The following SRRT variants were observed in gnomAD, a reference collection of about 807,000 sequenced individuals.
The protein encoded by SRRT is serrate, RNA effector molecule.
In SRRT, 32 loss-of-function variants were observed where a neutral mutation model predicts 103.2. The observed-to-expected ratio is 0.31, with a 90% confidence interval of 0.23 to 0.42. SRRT has a LOEUF of 0.42. Ranked by LOEUF, SRRT falls within the 10% of genes least tolerant of loss-of-function variation. The pLI, the probability that SRRT is intolerant of heterozygous loss-of-function variation, is 1.00. For missense variants in SRRT, 986 were observed against 1,207.5 expected (o/e 0.82, Z 2.72); for synonymous variants, 525 against 449.0 (o/e 1.17, Z -2.14).
At chr7:100,883,965 G>T (rs1789821765) in intron 5 of SRRT, 105 bp from the exon 6 acceptor site, 4 of 1,290,412 alleles carry the variant, frequency 3.1e-6, no homozygotes, top group Non-Finnish European at 4.2e-6. Context: ...TTTTGTGGTT[G>T]TGAGAGGAAG....
At position 100,886,970 on chromosome 7, in the gene SRRT, T is replaced by C; in HGVS notation, c.1821+2T>C. ...GAGCGGGATGAGAAGTTGATTAAGG[T>C]GCCAGTGGCAGCGCGGGGCACGTGG... On this transcript the variant is annotated splice_donor_variant, in intron 14 of 19. Coordinates refer to ENST00000611405, the MANE Select transcript of SRRT (RefSeq NM_015908.6). LOFTEE classifies it high-confidence loss of function. 6.2e-7 allele frequency: 1 copy of C among 1,609,802 alleles called. No individual in the cohort carries two copies. The highest frequency in any genetic ancestry group is 8.5e-7 in the Non-Finnish European group (1 of 1,176,900).
chr7:100,888,475 A>T lies in SRRT; in HGVS notation c.2557A>T (p.Met853Leu), dbSNP rs770917997. 1 of 1,614,062 alleles carries T rather than the reference A, an allele frequency of 6.2e-7. No homozygotes were observed. The highest frequency in any genetic ancestry group is 1.7e-5 in the Admixed American group (1 of 60,010). ...CATCCTGTACCTCTCACCTCACAGG[A>T]TGGTTCGTGGAGACCCAAGGGCCAT... ...GGYPGKPRNRMVRGDPRAIVE... is the reference protein window; with the variant it reads ...GGYPGKPRNRLVRGDPRAIVE... The change falls in exon 20 of 20, where the codon ATG becomes TTG. Residue 853 changes from methionine (M) to leucine (L), a missense_variant and splice_region_variant. By Grantham distance (15) the Met-to-Leu change is conservative. Transcript: ENST00000611405.
At chr7:100,881,171 GGTCTC>G in intron 2 of SRRT, 109 bp from the exon 3 acceptor site, 1 of 1,115,238 alleles carries the variant, frequency 9.0e-7, no homozygotes, top group Non-Finnish European at 1.3e-6. Flanking sequence ...TGCCCAGGTT[GGTCTC>G]GAACTCCTGG....
intron 18 of SRRT, 43 bp downstream of exon 18, chr7:100,888,186 C>A: frequency 6.2e-7 from 1 of 1,600,004 alleles, no homozygotes; most frequent in Non-Finnish European, 8.5e-7. Context: ...GAGTGTGTGG[C>A]TTTGGGAGAA....
In SRRT at chr7:100,884,789, A is replaced by T. The variant is rs767768509; in HGVS notation, c.992A>T (p.Asp331Val). ...NDDKTKKSEG[D>V]GDKEEKKEDS... ...GACAAAACAAAGAAGTCGGAGGGTG[A>T]TGGGGACAAGGAAGAGAAGAAAGAA... The change falls in exon 8 of 20, where the codon GAT becomes GTT. Residue 331 changes from aspartate (D) to valine (V), a missense_variant. Transcript: ENST00000611405. 6.2e-7 allele frequency: 1 copy of T among 1,614,038 alleles called. No homozygotes were observed. Among genetic ancestry groups the T allele is most frequent in the South Asian group, 1.1e-5 (1 of 91,068 alleles).
chr7:100,884,338 G>A, intron 6 of SRRT, 30 bp from the exon 7 acceptor site: 1 of 1,612,818 alleles, frequency 6.2e-7, no homozygotes, highest in Non-Finnish European at 8.5e-7. Context: ...AGGGCCCTGG[G>A]GTCATGACCT....
rs1789651023 is a variant in SRRT at position 100,882,320 on chromosome 7, T to C, written c.587+79T>C. ...CTGGTGGAGCCACAGCCCTGTCCTC[T>C]TCCCAGTTTTCCCTGTCCAGAACTT... is the stretch of plus-strand genomic sequence containing the variant. On this transcript the variant is annotated intron_variant, in intron 5 of 19. Transcript: ENST00000611405. The surrounding 1 kb of genome is among the most constrained non-coding windows in gnomAD (Gnocchi z 4.2). 6.8e-7 allele frequency: 1 copy of C among 1,476,438 alleles called. No homozygotes were observed. The highest frequency in any genetic ancestry group is 9.2e-7 in the Non-Finnish European group (1 of 1,089,280). The allele number at this position is 1,476,438 out of a possible 1,614,324, so 91.5% of individuals were successfully genotyped here.
At position 100,887,008 on chromosome 7, in the gene SRRT, T is replaced by A; in HGVS notation, c.1822-39T>A. ...GCGGGGCACGTGGGGGCTCGGGCGG[T>A]GAGGGCAGGAGCTGAACGCTCGCAT... On this transcript the variant is annotated intron_variant, in intron 14 of 19. Coordinates refer to ENST00000611405, the MANE Select transcript of SRRT (RefSeq NM_015908.6). This position sits in a 1 kb window ranked among gnomAD's most constrained non-coding sequence, Gnocchi z 4.1. The A allele has an allele frequency of 6.2e-7, 1 of 1,610,700 alleles. No individual in the cohort carries two copies. The highest frequency in any genetic ancestry group is 1.1e-5 in the South Asian group (1 of 90,946).
chr7:100,883,257 C>G (rs1789746580), intron 5 of SRRT, among the ~76,000 whole-genome samples: 1 of 152,206 alleles, frequency 6.6e-6, no homozygotes, highest in Admixed American at 6.5e-5. Flanking sequence ...TGCCTAACAC[C>G]ACCTTCTTCC....
rs745818631 is a variant in SRRT at position 100,882,093 on chromosome 7, C to T, written c.439C>T (p.Pro147Ser). The part of the protein sequence containing the change: ...IAEIDLGVPP[P>S]VMKTFKEFLL... ...AGAGATTGACCTGGGTGTGCCGCCG[C>T]CCGTGATGAAGACCTTCAAGGAGTT... The change falls in exon 5 of 20, where the codon CCC (proline) becomes TCC (serine). Residue 147 changes from proline to serine, a missense_variant. Physicochemically the swap from Pro to Ser is moderately conservative, Grantham distance 74 (BLOSUM62 -1). Coordinates refer to ENST00000611405, the MANE Select transcript of SRRT (RefSeq NM_015908.6). The surrounding 1 kb of genome is among the most constrained non-coding windows in gnomAD (Gnocchi z 4.2). The T allele has an allele frequency of 1.9e-6, 3 of 1,614,078 alleles. No homozygotes were observed. In the East Asian group the frequency reaches 6.7e-5, roughly 36 times the overall value.
intron 2 of SRRT, among the ~76,000 whole-genome samples, chr7:100,877,696 A>G (rs1294090286): frequency 2.0e-5 from 3 of 151,350 alleles, no homozygotes; most frequent in African/African-American, 4.9e-5. Context: ...TAATTTTTGT[A>G]TTTTTAGTAG....
chr7:100,875,632 C>G lies in SRRT; in HGVS notation c.42C>G (p.Asp14Glu), dbSNP rs1350973947. 6.2e-7 allele frequency: 1 copy of G among 1,614,114 alleles called. No individual in the cohort carries two copies. Among genetic ancestry groups the G allele is most frequent in the Non-Finnish European group, 8.5e-7 (1 of 1,179,988 alleles). ...ACGAGTACGATCGAAGGCGCAGGGA[C>G]AAGTTCAGAAGAGAGCGCAGCGACT... is the stretch of plus-strand genomic sequence containing the variant. ...SDDEYDRRRR[D>E]KFRRERSDYD... The change falls in exon 2 of 20, where the codon GAC becomes GAG. Residue 14 changes from aspartate to glutamate, a missense_variant. Physicochemically the swap from Asp to Glu is conservative, Grantham distance 45. Coordinates refer to ENST00000611405, the MANE Select transcript of SRRT (RefSeq NM_015908.6).
chr7:100,875,640 G>A lies in SRRT; in HGVS notation c.50G>A (p.Arg17Lys). Residue 17 changes from arginine to lysine, a missense_variant, in exon 2 of 20, where the codon AGA becomes AAA. Around this residue, in one of 6 missense-constraint regions of SRRT, gnomAD observed 9 missense variants for 28.9 expected, o/e 0.31. Coordinates refer to ENST00000611405, the MANE Select transcript of SRRT (RefSeq NM_015908.6). Reference sequence around the variant, plus strand: ...GATCGAAGGCGCAGGGACAAGTTCAGAAGAGAGCGCAGCGACTACGACCGT... The same window carrying A: ...GATCGAAGGCGCAGGGACAAGTTCAAAAGAGAGCGCAGCGACTACGACCGT... ...EYDRRRRDKF[R>K]RERSDYDRSR... 5.6e-6 allele frequency: 9 copies of A among 1,614,198 alleles called. No homozygotes were observed. Among genetic ancestry groups the A allele is most frequent in the Non-Finnish European group, 7.6e-6 (9 of 1,179,998 alleles).
At position 100,885,475 on chromosome 7, in the gene SRRT, A is replaced by G; in HGVS notation, c.1317+105A>G. 7.6e-7 allele frequency: 1 copy of G among 1,315,196 alleles called. No homozygotes were observed. Among genetic ancestry groups the G allele is most frequent in the Non-Finnish European group, 1.0e-6 (1 of 959,834 alleles). 81.5% of individuals were successfully genotyped at this position (1,315,196 alleles called of 1,614,324 possible). ...GACAGATGCCCCCGTTTCACCTGCT[A>G]GGGAGGCCCCTTCCCCAGGTTCCAT... On this transcript the variant is annotated intron_variant, in intron 10 of 19. Transcript: ENST00000611405. The surrounding 1 kb of genome is among the most constrained non-coding windows in gnomAD (Gnocchi z 4.8).
Position 100,881,724 on chromosome 7 carries a change from G to T in SRRT, c.317G>T (p.Gly106Val). Residue 106 changes from glycine (G) to valine (V), a missense_variant, in exon 4 of 20, where the codon GGC (glycine) becomes GTC (valine). By Grantham distance (109) the Gly-to-Val change is moderately radical. Transcript: ENST00000611405. ...ATGCCCTATGCTGGGGGGGGTGGGGGCCCAACTTATGGCCCCCCTCAGCCC... is the reference window on the plus strand; with the variant it reads ...ATGCCCTATGCTGGGGGGGGTGGGGTCCCAACTTATGGCCCCCCTCAGCCC... ...YEMPYAGGGG[G>V]PTYGPPQPWG... The T allele has an allele frequency of 6.2e-7, 1 of 1,613,986 alleles. No individual in the cohort carries two copies. Among genetic ancestry groups the T allele is most frequent in the Non-Finnish European group, 8.5e-7 (1 of 1,180,014 alleles).
At position 100,881,652 on chromosome 7, in the gene SRRT, C is replaced by G. The variant is rs779605826; in HGVS notation, c.252-7C>G. The G allele has an allele frequency of 1.2e-6, 2 of 1,614,008 alleles. No individual in the cohort carries two copies. Among genetic ancestry groups the G allele is most frequent in the East Asian group, 2.2e-5 (1 of 44,880 alleles). On this transcript the variant is annotated splice_polypyrimidine_tract_variant and splice_region_variant and intron_variant, in intron 3 of 19. Transcript: ENST00000611405. ...CTCTGCTTTACTTTTGTGTCCCCCACCTTCAGGGATGAGCACAGCTCTGAC... is the reference window on the plus strand; with the variant it reads ...CTCTGCTTTACTTTTGTGTCCCCCAGCTTCAGGGATGAGCACAGCTCTGAC...
In SRRT at chr7:100,884,218, A is replaced by G. The variant is rs1241320245; in HGVS notation, c.736A>G (p.Ile246Val). The G allele has an allele frequency of 6.8e-6, 11 of 1,613,922 alleles. No homozygotes were observed. The African/African-American group carries it at 1.2e-4, about 18-fold the overall frequency. Residue 246 changes from isoleucine to valine, a missense_variant, in exon 6 of 20, where the codon ATT becomes GTT. By Grantham distance (29) the Ile-to-Val change is conservative. This residue lies in a region of SRRT where 274 missense variants were observed against 358.5 expected (regional missense o/e 0.76). Transcript: ENST00000611405. The part of the protein sequence containing the change: ...LLLDIDKADA[I>V]VKMLDAAVIK... ...CCTGGACATAGACAAAGCTGATGCC[A>G]TTGTCAAGATGCTGGATGCAGGTGT...
rs369891252 is a variant in SRRT, at chr7:100,887,538, T to A, written c.2169+25T>A. On this transcript the variant is annotated intron_variant, in intron 16 of 19. Coordinates refer to ENST00000611405, the MANE Select transcript of SRRT (RefSeq NM_015908.6). The surrounding 1 kb of genome is among the most constrained non-coding windows in gnomAD (Gnocchi z 4.1). The stretch of plus-strand genomic sequence containing the variant: ...GGTGTGGGATGTTGGAGAATGGCCG[T>A]GCTACGGTGGTGGGAGGTGGGGTTG... 67 of 1,609,754 alleles carry A rather than the reference T, an allele frequency of 4.2e-5. No homozygotes were observed. The African/African-American group carries it at 8.1e-4, about 20-fold the overall frequency.
chr7:100,878,920 TTTTCC>T (rs1816015650), intron 2 of SRRT, among the ~76,000 whole-genome samples: 2 of 151,984 alleles, frequency 1.3e-5, no homozygotes, highest in Admixed American at 1.3e-4. Context: ...TTTTCTTTTC[TTTTCC>T]TTCCTTTCTT....
Sources: allele counts gnomAD v4.1 joint callset (sites outside exome capture counted in the v4.1 genomes callset), GRCh38; gene constraint gnomAD v4.1.1; regional missense constraint gnomAD v4.1.1; non-coding constraint Gnocchi (gnomAD v3.1); transcripts MANE v1.5; gene names NCBI Gene and HGNC (gene_info 2026-07-23, HGNC 2026-07-21).